GALNT10: variants seen among roughly 807,000 people sequenced by gnomAD.
The protein encoded by GALNT10 is GalNAc transferase 10.
A neutral mutation model predicts 75.0 loss-of-function variants in GALNT10; 41 were observed. That is an observed-to-expected ratio of 0.55 (90% CI 0.43 to 0.71). The LOEUF (loss-of-function observed/expected upper bound fraction) is 0.71, where lower values mean the gene tolerates loss of function less well. Ranked by LOEUF, GALNT10 falls within the 30% of genes least tolerant of loss-of-function variation. GALNT10 has a pLI of 0.00. For synonymous variants in GALNT10, 302 were observed against 313.0 expected (o/e 0.96, Z 0.37); for missense variants, 727 against 818.5 (o/e 0.89, Z 1.36).
intron 1 of GALNT10, among the ~76,000 whole-genome samples, chr5:154,285,553 G>A (rs1228607594): frequency 1.3e-5 from 2 of 151,948 alleles, no homozygotes; most frequent in African/African-American, 4.8e-5. Flanking sequence ...AAGTTCTCAG[G>A]CTCTATTTCT....
intron 4 of GALNT10, among the ~76,000 whole-genome samples, chr5:154,334,733 A>G (rs1030435774): frequency 1.8e-4 from 28 of 152,226 alleles, no homozygotes; most frequent in Non-Finnish European, 3.5e-4. Context: ...AAACAAACAC[A>G]TGTAGGAAAT....
chr5:154,326,950 G>A (rs889208906), intron 3 of GALNT10, among the ~76,000 whole-genome samples: 1 of 152,208 alleles, frequency 6.6e-6, no homozygotes, highest in African/African-American at 2.4e-5. Flanking sequence ...GTAAAACTCA[G>A]TAATTCTATA....
intron 3 of GALNT10, among the ~76,000 whole-genome samples, chr5:154,312,047 A>G (rs932059567): frequency 1.3e-5 from 2 of 152,004 alleles, no homozygotes; most frequent in Non-Finnish European, 1.5e-5. Flanking sequence ...ACCATGCAGA[A>G]GGTAATATGT....
intron 1 of GALNT10, among the ~76,000 whole-genome samples, chr5:154,216,872 G>C (rs1371832826): frequency 1.3e-5 from 2 of 151,986 alleles, no homozygotes; most frequent in Admixed American, 1.3e-4. Flanking sequence ...TTTTACTTGT[G>C]AGTAGACCCT....
chr5:154,297,291 G>A (rs1162459743), intron 2 of GALNT10, among the ~76,000 whole-genome samples: 1 of 152,160 alleles, frequency 6.6e-6, no homozygotes, highest in African/African-American at 2.4e-5. Flanking sequence ...GTTTAGAGTA[G>A]GCAGATCTTA....
chr5:154,337,972 A>G lies in GALNT10; in HGVS notation c.568+8234A>G, dbSNP rs1754969857. On this transcript the variant is annotated intron_variant, in intron 4 of 11. Coordinates refer to ENST00000297107, the MANE Select transcript of GALNT10 (RefSeq NM_198321.4). Reference sequence around the variant, plus strand: ...TTATCCACGGAGTCATGGTCGTCAAAGGTTACAAAGGCAAAGCCCCTTTTC... The same window carrying G: ...TTATCCACGGAGTCATGGTCGTCAAGGGTTACAAAGGCAAAGCCCCTTTTC... The G allele has an allele frequency of 1.9e-6, 3 of 1,577,686 alleles. No homozygotes were observed. In the African/African-American group the frequency reaches 4.0e-5, roughly 21 times the overall value.
At chr5:154,262,790 C>G (rs1007334118) in intron 1 of GALNT10, among the ~76,000 whole-genome samples, 13 of 152,250 alleles carry the variant, frequency 8.5e-5, no homozygotes, top group African/African-American at 3.1e-4. Context: ...AGGATCCTAT[C>G]AGAATCAGGA....
chr5:154,292,453 CA>C (rs1691343628), intron 1 of GALNT10, among the ~76,000 whole-genome samples: 1 of 152,188 alleles, frequency 6.6e-6, no homozygotes, highest in Non-Finnish European at 1.5e-5. Context: ...CTAGTCCCAC[CA>C]GGGCTGAAGT....
intron 1 of GALNT10, among the ~76,000 whole-genome samples, chr5:154,272,688 T>C: frequency 6.6e-6 from 1 of 152,142 alleles, no homozygotes; most frequent in Admixed American, 6.5e-5. Flanking sequence ...ATCTATAAAA[T>C]AGGAACGATA....
In GALNT10 at chr5:154,315,677, C is replaced by T. The variant is rs1754585579; in HGVS notation, c.402-13895C>T. ...GCCCTGAGTCAGAGTTCTGCTTCTG[C>T]CCTAAACAACTGTGGCCAGGTAAGG... On this transcript the variant is annotated intron_variant, in intron 3 of 11. Transcript: ENST00000297107. Among the ~76,000 whole-genome samples the T allele has an allele frequency of 3.9e-5, 6 of 152,326 alleles. No homozygotes were observed. In the South Asian group the frequency reaches 1.0e-3, roughly 26 times the overall value.
At chr5:154,235,219 A>G (rs115157045) in intron 1 of GALNT10, among the ~76,000 whole-genome samples, 3,180 of 152,242 alleles carry the variant, frequency 0.021, 95 homozygotes, top group African/African-American at 0.067. Flanking sequence ...TATCACCAGA[A>G]ATGCCCCTGA....
At chr5:154,328,254 C>A (rs1163394264) in intron 3 of GALNT10, among the ~76,000 whole-genome samples, 2 of 152,102 alleles carry the variant, frequency 1.3e-5, no homozygotes, top group African/African-American at 4.8e-5. Context: ...TATTAAGGAA[C>A]AATGTTAATT....
At chr5:154,276,133 C>G (rs1475166146) in intron 1 of GALNT10, among the ~76,000 whole-genome samples, 2 of 152,166 alleles carry the variant, frequency 1.3e-5, no homozygotes, top group East Asian at 3.8e-4. Flanking sequence ...GCTGACTAAA[C>G]AGGAGTTTCT....
chr5:154,239,161 A>G (rs960189629), intron 1 of GALNT10, among the ~76,000 whole-genome samples: 6 of 152,164 alleles, frequency 3.9e-5, no homozygotes, highest in African/African-American at 1.4e-4. Context: ...TCTCTGGGGA[A>G]TACAAGTCTT....
intron 3 of GALNT10, among the ~76,000 whole-genome samples, chr5:154,311,647 T>C (rs1754520717): frequency 6.6e-6 from 1 of 151,456 alleles, no homozygotes. Flanking sequence ...ATTCTCACTC[T>C]CTTGCCCAGG....
At chr5:154,243,805 G>A (rs1042610859) in intron 1 of GALNT10, among the ~76,000 whole-genome samples, 3 of 152,182 alleles carry the variant, frequency 2.0e-5, no homozygotes, top group African/African-American at 7.2e-5. Flanking sequence ...TAGGGGAGCT[G>A]GTCTTAACAC....
At position 154,268,702 on chromosome 5, in the gene GALNT10, A is replaced by C. The variant is rs567586036; in HGVS notation, c.160-26114A>C. ...TATAACAGATCAAACCTGAATTATC[A>C]GTGTTGTAACACCTGAGATTTATTT... On this transcript the variant is annotated intron_variant, in intron 1 of 11. Transcript: ENST00000297107. Among the ~76,000 whole-genome samples the C allele has an allele frequency of 2.6e-5, 4 of 152,370 alleles. No individual in the cohort carries two copies. The East Asian group carries it at 7.7e-4, about 29-fold the overall frequency.
intron 4 of GALNT10, among the ~76,000 whole-genome samples, chr5:154,350,189 TA>T (rs370359115): frequency 0.1 from 15,313 of 146,014 alleles, 789 homozygotes; most frequent in African/African-American, 0.15. Context: ...TGCTTTCCTT[TA>T]AAAAAAAAAA....
At chr5:154,295,676 G>A (rs966171134) in intron 2 of GALNT10, among the ~76,000 whole-genome samples, 1 of 152,200 alleles carries the variant, frequency 6.6e-6, no homozygotes. Context: ...TAAGGAGTCA[G>A]GAGAGCAGCT....
Sources: gnomAD v4.1 joint callset for allele counts (sites outside exome capture counted in the v4.1 genomes callset) on GRCh38, gnomAD v4.1.1 for gene constraint, MANE v1.5 for transcripts, NCBI Gene and HGNC (gene_info 2026-07-23, HGNC 2026-07-21) for gene names.